FRMPD4: variants seen among roughly 807,000 people sequenced by gnomAD.
The protein encoded by FRMPD4 is FERM and PDZ domain-containing protein 4.
Under a neutral mutation model 94.1 loss-of-function variants are expected in FRMPD4, and 22 were observed. The observed-to-expected ratio is 0.23, with a 90% CI of 0.17 to 0.33. FRMPD4 has a LOEUF of 0.33. Ranked by LOEUF, FRMPD4 falls within the 10% of genes least tolerant of loss-of-function variation. FRMPD4 has a pLI of 1.00. For missense variants in FRMPD4, 1,111 were observed against 1,339.9 expected (o/e 0.83, Z 2.67); for synonymous variants, 631 against 548.6 (o/e 1.15, Z -2.10).
chrX:12,656,293 A>G (rs978030614), intron 4 of FRMPD4, among the ~76,000 whole-genome samples: 2 of 112,383 alleles, frequency 1.8e-5, no homozygotes, highest in East Asian at 5.5e-4. Context: ...AATAAAACAG[A>G]GTCATTGGTT....
chrX:12,635,470 C>T (rs762587698), intron 4 of FRMPD4, among the ~76,000 whole-genome samples: 1 of 111,147 alleles, frequency 9.0e-6, no homozygotes, highest in South Asian at 3.8e-4. Context: ...CCTAACAACT[C>T]GAGGGGCTGA....
At chrX:12,574,566 C>G (rs2058791264) in intron 2 of FRMPD4, among the ~76,000 whole-genome samples, 1 of 110,762 alleles carries the variant, frequency 9.0e-6, no homozygotes, top group Non-Finnish European at 1.9e-5. Flanking sequence ...GGCGTGATCT[C>G]GGCGCACTGC....
chrX:12,413,279 C>A (rs1180150597), intron 1 of FRMPD4, among the ~76,000 whole-genome samples: 1 of 111,886 alleles, frequency 8.9e-6, no homozygotes, highest in Non-Finnish European at 1.9e-5. Context: ...AATTTCCTGG[C>A]AGGATTAAGC....
intron 3 of FRMPD4, among the ~76,000 whole-genome samples, chrX:11,943,817 C>T (rs1208150139): frequency 8.9e-6 from 1 of 111,930 alleles, no homozygotes; most frequent in Non-Finnish European, 1.9e-5. Flanking sequence ...GCTTCTTAAA[C>T]CTACTTTCAG....
intron 2 of FRMPD4, among the ~76,000 whole-genome samples, chrX:12,520,674 T>G (rs1471606210): frequency 8.9e-6 from 1 of 111,928 alleles, no homozygotes; most frequent in Non-Finnish European, 1.9e-5. Context: ...TGCATCCCTT[T>G]CCATCTTCAC....
intron 2 of FRMPD4, among the ~76,000 whole-genome samples, chrX:12,566,916 C>T (rs777489948): frequency 4.2e-4 from 35 of 83,140 alleles, no homozygotes; most frequent in Non-Finnish European, 6.9e-4. Flanking sequence ...AACTACCTTT[C>T]TTTTCTCATT....
chrX:12,558,992 C>T (rs183211306), intron 2 of FRMPD4, among the ~76,000 whole-genome samples: 42 of 111,979 alleles, frequency 3.8e-4, no homozygotes, highest in African/African-American at 1.3e-3. Flanking sequence ...TATTGGTGTC[C>T]ACATTTTAAC....
At position 11,884,082 on chromosome X, in the gene FRMPD4, G is replaced by A. The variant is rs149445337; in HGVS notation, c.95+6064G>A. 5.4e-5 allele frequency among the ~76,000 whole-genome samples: 6 copies of A among 111,447 alleles called. No homozygotes were observed. In the East Asian group the frequency reaches 1.7e-3, roughly 31 times the overall value. ...TGGGATTCAGAGGTGGGATGAGGTA[G>A]GGTACAGGCTCCATCTGGCAGGCAA... is the stretch of plus-strand genomic sequence containing the variant. On this transcript the variant is annotated intron_variant, in intron 3 of 18. Transcript: ENST00000640291.
intron 3 of FRMPD4, among the ~76,000 whole-genome samples, chrX:11,898,372 G>T (rs970231674): frequency 1.8e-5 from 2 of 111,173 alleles, no homozygotes; most frequent in African/African-American, 6.6e-5. Context: ...CTTGTAGATG[G>T]CTTGGTATCC....
intron 1 of FRMPD4, among the ~76,000 whole-genome samples, chrX:12,343,394 T>C (rs1475514533): frequency 9.0e-6 from 1 of 111,579 alleles, no homozygotes; most frequent in African/African-American, 3.3e-5. Flanking sequence ...AGGCCATCCA[T>C]CTGGCTGGGC....
chrX:12,074,653 G>A (rs1476710342), intron 3 of FRMPD4, among the ~76,000 whole-genome samples: 1 of 111,884 alleles, frequency 8.9e-6, no homozygotes, highest in Non-Finnish European at 1.9e-5. Context: ...TCAACATATG[G>A]TTTTTATATT....
chrX:12,476,261 A>G (rs947000770), intron 1 of FRMPD4, among the ~76,000 whole-genome samples: 7 of 112,125 alleles, frequency 6.2e-5, no homozygotes, highest in African/African-American at 2.3e-4. Context: ...GGCTGGCCAT[A>G]TGTAGAAAGC....
chrX:12,652,519 A>G (rs184389587), intron 4 of FRMPD4, among the ~76,000 whole-genome samples: 1 of 110,411 alleles, frequency 9.1e-6, no homozygotes, highest in African/African-American at 3.3e-5. Context: ...TTAAGCAATA[A>G]CTCCCCATTT....
chrX:12,426,891 T>TG (rs1360236291), intron 1 of FRMPD4, among the ~76,000 whole-genome samples: 1 of 110,133 alleles, frequency 9.1e-6, no homozygotes, highest in Non-Finnish European at 1.9e-5. Flanking sequence ...TTTTTGTTTT[T>TG]TTTTAACTGG....
chrX:12,357,131 G>A (rs143678187), intron 1 of FRMPD4, among the ~76,000 whole-genome samples: 1,180 of 111,709 alleles, frequency 0.011, 11 homozygotes, highest in Non-Finnish European at 0.017. Flanking sequence ...CATACTTGGG[G>A]TATTGATGTT....
At chrX:12,050,989 A>G (rs1351970496) in intron 3 of FRMPD4, among the ~76,000 whole-genome samples, 2 of 111,824 alleles carry the variant, frequency 1.8e-5, no homozygotes, top group African/African-American at 6.5e-5. Flanking sequence ...AGCAGGGAGG[A>G]TGAATGAGCC....
intron 4 of FRMPD4, among the ~76,000 whole-genome samples, chrX:12,637,204 C>T (rs553535725): frequency 2.7e-5 from 3 of 112,439 alleles, no homozygotes; most frequent in East Asian, 2.8e-4. Flanking sequence ...TTTCTCAAGT[C>T]GTAAATCCCA....
intron 4 of FRMPD4, among the ~76,000 whole-genome samples, chrX:12,655,505 G>A (rs2059644494): frequency 2.7e-5 from 3 of 112,078 alleles, no homozygotes; most frequent in African/African-American, 9.7e-5. Flanking sequence ...AACATATCAT[G>A]CTGCCATGAT....
chrX:11,922,278 G>A (rs977860275), intron 3 of FRMPD4, among the ~76,000 whole-genome samples: 1 of 111,521 alleles, frequency 9.0e-6, no homozygotes, highest in African/African-American at 3.3e-5. Context: ...AGGGGGAGCA[G>A]GCATATCACA....
Sources: allele counts gnomAD v4.1 joint callset (sites outside exome capture counted in the v4.1 genomes callset), GRCh38; gene constraint gnomAD v4.1.1; transcripts MANE v1.5; gene names NCBI Gene and HGNC (gene_info 2026-07-23, HGNC 2026-07-21).